MRPL4: variants seen among roughly 807,000 people sequenced by gnomAD.
MRPL4 encodes the protein mitochondrial ribosomal protein L4, also known as large ribosomal subunit protein uL4m.
In MRPL4, 34 loss-of-function variants were observed where a neutral mutation model predicts 34.1. The ratio of observed to expected loss-of-function variants is 1.00; its 90% confidence interval spans 0.76 to 1.33. The LOEUF (loss-of-function observed/expected upper bound fraction) is 1.33, where lower values mean the gene tolerates loss of function less well. MRPL4 is among the 40% of genes most tolerant of loss of function. The probability of loss-of-function intolerance (pLI) is 0.00; values close to 1 mark genes in which losing one functional copy is unlikely to be tolerated. For synonymous variants in MRPL4, 196 were observed against 188.3 expected (o/e 1.04, Z -0.33); for missense variants, 402 against 434.6 (o/e 0.92, Z 0.67).
intron 2 of MRPL4, 24 bp downstream of exon 2, chr19:10,252,487 GGAGGGGCGGCGACAGA>G (rs1199874678): frequency 2.5e-6 from 4 of 1,613,868 alleles, no homozygotes; most frequent in Non-Finnish European, 2.5e-6. Context: ...GGTGGCTCCA[GGAGGGGCGGCGACAGA>G]GAGGTCTGAC....
chr19:10,253,329 A>G lies in MRPL4; in HGVS notation c.275+628A>G, dbSNP rs1397359696. On this transcript the variant is annotated intron_variant, in intron 3 of 8. Transcript: ENST00000253099. ...GTCTCTACTAAAAATACAAAAAAAA[A>G]TTAGCCGGGCGTGGTGGCGGGCGTC... is the stretch of plus-strand genomic sequence containing the variant. Among the ~76,000 whole-genome samples, 7 of 151,360 alleles carry G rather than the reference A, an allele frequency of 4.6e-5. 1 individual carries two copies. Among genetic ancestry groups the G allele is most frequent in the Admixed American group, 4.0e-4 (6 of 15,166 alleles).
At chr19:10,254,859 C>T (rs1268303460) in intron 4 of MRPL4, 3 of 383,680 alleles carry the variant, frequency 7.8e-6, no homozygotes, top group Non-Finnish European at 1.4e-5. Flanking sequence ...GGCTGGAGTG[C>T]AGTGGCGCAA....
chr19:10,254,635 A>T lies in MRPL4; in HGVS notation c.322A>T (p.Arg108Ter), dbSNP rs771555624. The T allele has an allele frequency of 6.8e-6, 11 of 1,613,826 alleles. No homozygotes were observed. The highest frequency in any genetic ancestry group is 8.5e-6 in the Non-Finnish European group (10 of 1,179,886). ...TGCTATGTGGCAGAAGAACTTCAAG[A>T]GAATTGTGAGTGCCTAAATGGAGCA... is the stretch of plus-strand genomic sequence containing the variant. ...QVAMWQKNFK[R>*]ISYAKTKTRA... The change falls in exon 4 of 9, where the codon AGA becomes TGA. Residue 108 changes from arginine (R) to a stop codon, truncating the protein, a stop_gained. Transcript: ENST00000253099. LOFTEE classifies it high-confidence loss of function.
At chr19:10,253,771 G>A (rs1323000133) in intron 3 of MRPL4, among the ~76,000 whole-genome samples, 4 of 147,016 alleles carry the variant, frequency 2.7e-5, no homozygotes, top group South Asian at 2.2e-4. Flanking sequence ...CAGCCTGGGC[G>A]ACAGAGACAG....
chr19:10,258,125 C>T (rs980163327), intron 5 of MRPL4, 97 bp from the exon 6 acceptor site: 21 of 826,092 alleles, frequency 2.5e-5, no homozygotes, highest in Non-Finnish European at 3.9e-5. Context: ...CTGGCAGCGC[C>T]CCCTCTCTCG....
Position 10,252,222 on chromosome 19 carries a change from TGACCTCCCGCGGCGTGGG to T in MRPL4, c.-31_-14del. Reference sequence around the variant, plus strand: ...GCGCCTCGCGAGGCTCCAGTGGCCTTGACCTCCCGCGGCGTGGGAGGCTGCGCGGCGATGCTGCAGTTC... The same window carrying T: ...GCGCCTCGCGAGGCTCCAGTGGCCTTAGGCTGCGCGGCGATGCTGCAGTTC... On this transcript the variant is annotated 5_prime_UTR_variant, in exon 1 of 9. Coordinates refer to ENST00000253099, the MANE Select transcript of MRPL4 (RefSeq NM_015956.3). 1 of 1,576,700 alleles carries T rather than the reference TGACCTCCCGCGGCGTGGG, an allele frequency of 6.3e-7. No individual in the cohort carries two copies. Among genetic ancestry groups the T allele is most frequent in the Non-Finnish European group, 8.6e-7 (1 of 1,164,426 alleles).
chr19:10,258,438 T>C lies in MRPL4; in HGVS notation c.578T>C (p.Leu193Pro). 1 of 1,613,670 alleles carries C rather than the reference T, an allele frequency of 6.2e-7. No individual in the cohort carries two copies. Among genetic ancestry groups the C allele is most frequent in the Non-Finnish European group, 8.5e-7 (1 of 1,179,908 alleles). ...GACGACCTGCACATCATGGACTCCC[T>C]AGAGCTGCCCACCGGAGACCCACAG... ...AQDDLHIMDS[L>P]ELPTGDPQYL... Residue 193 changes from leucine to proline, a missense_variant, in exon 7 of 9, where the codon CTA becomes CCA. Coordinates refer to ENST00000253099, the MANE Select transcript of MRPL4 (RefSeq NM_015956.3).
Position 10,252,270 on chromosome 19 carries a change from G to A in MRPL4, c.17G>A (p.Arg6Gln), listed in dbSNP as rs759760475. The change falls in exon 1 of 9, where the codon CGG becomes CAG. Residue 6 changes from arginine (R) to glutamine (Q), a missense_variant. Arg to Gln is a conservative substitution (Grantham distance 43). Transcript: ENST00000253099. MLQFV[R>Q]AGARAWLRPT... ...TGCGCGGCGATGCTGCAGTTCGTCC[G>A]GGCCGGGGCGCGGGCCTGGCTTCGG... The A allele has an allele frequency of 1.2e-6, 2 of 1,608,256 alleles. No homozygotes were observed. Among genetic ancestry groups the A allele is most frequent in the South Asian group, 1.1e-5 (1 of 90,926 alleles).
chr19:10,256,935 G>T (rs2039858311), intron 5 of MRPL4, 110 bp downstream of exon 5: 1 of 912,944 alleles, frequency 1.1e-6, no homozygotes, highest in South Asian at 2.0e-5. Flanking sequence ...TGTCAGCCCT[G>T]TTCCCTCCAC....
chr19:10,252,544 G>T lies in MRPL4; in HGVS notation c.125-7G>T. 2 of 1,612,870 alleles carry T rather than the reference G, an allele frequency of 1.2e-6. No homozygotes were observed. The highest frequency in any genetic ancestry group is 1.7e-6 in the Non-Finnish European group (2 of 1,179,302). ...ACCCTAACCTCTGACCCCCGCAATC[G>T]CTCCAGGTCTCCCGGAGCCCGTGCT... On this transcript the variant is annotated splice_region_variant and splice_polypyrimidine_tract_variant and intron_variant, in intron 2 of 8. Transcript: ENST00000253099.
intron 8 of MRPL4, chr19:10,259,240 A>G (rs1018572026): frequency 2.4e-5 from 32 of 1,317,108 alleles, no homozygotes; most frequent in Admixed American, 2.3e-4. Context: ...TGGCTTCCCC[A>G]CCTCTCTCAG....
In MRPL4 at chr19:10,252,718, A is replaced by G. The variant is rs372286098; in HGVS notation, c.275+17A>G. 7.5e-5 allele frequency: 119 copies of G among 1,596,150 alleles called. No homozygotes were observed. The highest frequency in any genetic ancestry group is 1.7e-4 in the Middle Eastern group (1 of 6,040). ...CGCGCCCAGGTGAGCGAGGGCTGTA[A>G]TGGTGAACTGAGTGGCAGAGGGATG... is the stretch of plus-strand genomic sequence containing the variant. On this transcript the variant is annotated intron_variant, in intron 3 of 8. Coordinates refer to ENST00000253099, the MANE Select transcript of MRPL4 (RefSeq NM_015956.3).
At chr19:10,259,054 G>A (rs1167691439) in intron 8 of MRPL4, 13 of 1,304,634 alleles carry the variant, frequency 1.0e-5, no homozygotes, top group Admixed American at 4.2e-5. Flanking sequence ...AGTCATGATC[G>A]CACCACTGCA....
In MRPL4 at chr19:10,259,584, CG is replaced by C. The variant is rs763915849; in HGVS notation, c.740-31del. On this transcript the variant is annotated intron_variant, in intron 8 of 8. Coordinates refer to ENST00000253099, the MANE Select transcript of MRPL4 (RefSeq NM_015956.3). ...AGGAGAGAGGCAGCCCCGGCCTGAC[CG>C]GCCCCCCGCCCCGCCCCCACCCCGC... 5 of 1,489,478 alleles carry C rather than the reference CG, an allele frequency of 3.4e-6. No homozygotes were observed. In the East Asian group the frequency reaches 1.3e-4, roughly 38 times the overall value. The allele number at this position is 1,489,478 out of a possible 1,614,324, so 92.3% of individuals were successfully genotyped here.
At chr19:10,257,178 G>C (rs1290274671) in intron 5 of MRPL4, among the ~76,000 whole-genome samples, 1 of 152,038 alleles carries the variant, frequency 6.6e-6, no homozygotes, top group Non-Finnish European at 1.5e-5. Context: ...TCCGGACCTC[G>C]GCCTTTGTGT....
chr19:10,252,625 G>T lies in MRPL4; in HGVS notation c.199G>T (p.Glu67Ter). The T allele has an allele frequency of 6.2e-7, 1 of 1,611,668 alleles. No individual in the cohort carries two copies. The highest frequency in any genetic ancestry group is 1.1e-5 in the South Asian group (1 of 91,080). Residue 67 changes from glutamate to a stop codon, truncating the protein, a stop_gained, in exon 3 of 9, where the codon GAG becomes TAG. Transcript: ENST00000253099. LOFTEE classifies it high-confidence loss of function. ...THRRPVQAWV[E>*]SLRGFEQERV... is the part of the protein sequence containing the mutation. ...TCGACGCCCAGTGCAGGCCTGGGTCGAGTCCTTGCGGGGCTTCGAGCAGGA... is the reference window on the plus strand; with the variant it reads ...TCGACGCCCAGTGCAGGCCTGGGTCTAGTCCTTGCGGGGCTTCGAGCAGGA...
At chr19:10,253,278 C>T (rs1171237076) in intron 3 of MRPL4, among the ~76,000 whole-genome samples, 1 of 150,694 alleles carries the variant, frequency 6.6e-6, no homozygotes, top group Non-Finnish European at 1.5e-5. Context: ...AGATCGAGAC[C>T]ATCCTGGCTA....
At position 10,252,253 on chromosome 19, in the gene MRPL4, G is replaced by A. The variant is rs1005151715; in HGVS notation, c.-1G>A. The A allele has an allele frequency of 1.2e-6, 2 of 1,603,212 alleles. No individual in the cohort carries two copies. The highest frequency in any genetic ancestry group is 8.5e-7 in the Non-Finnish European group (1 of 1,176,182). ...CCCGCGGCGTGGGAGGCTGCGCGGCGATGCTGCAGTTCGTCCGGGCCGGGG... is the reference window on the plus strand; with the variant it reads ...CCCGCGGCGTGGGAGGCTGCGCGGCAATGCTGCAGTTCGTCCGGGCCGGGG... On this transcript the variant is annotated 5_prime_UTR_variant, in exon 1 of 9. Transcript: ENST00000253099.
rs771021867 is a variant in MRPL4 at position 10,252,261 on chromosome 19, A to G, written c.8A>G (p.Gln3Arg). Reference sequence around the variant, plus strand: ...GTGGGAGGCTGCGCGGCGATGCTGCAGTTCGTCCGGGCCGGGGCGCGGGCC... The same window carrying G: ...GTGGGAGGCTGCGCGGCGATGCTGCGGTTCGTCCGGGCCGGGGCGCGGGCC... ML[Q>R]FVRAGARAWL... The change falls in exon 1 of 9, where the codon CAG becomes CGG. Residue 3 changes from glutamine (Q) to arginine (R), a missense_variant. Coordinates refer to ENST00000253099, the MANE Select transcript of MRPL4 (RefSeq NM_015956.3). 11 of 1,606,606 alleles carry G rather than the reference A, an allele frequency of 6.8e-6. No individual in the cohort carries two copies. Among genetic ancestry groups the G allele is most frequent in the Admixed American group, 1.7e-5 (1 of 57,378 alleles).
Sources: gnomAD v4.1 joint callset for allele counts (sites outside exome capture counted in the v4.1 genomes callset) on GRCh38, gnomAD v4.1.1 for gene constraint, MANE v1.5 for transcripts, NCBI Gene and HGNC (gene_info 2026-07-23, HGNC 2026-07-21) for gene names.